The following DLEC1 variants were observed in gnomAD, a reference collection of about 807,000 sequenced individuals.
The protein encoded by DLEC1 is DLEC1 cilia and flagella associated protein.
A neutral mutation model predicts 198.1 loss-of-function variants in DLEC1; 146 were observed. The observed-to-expected ratio is 0.74, with a 90% CI of 0.64 to 0.85. The LOEUF is 0.85. Among genes scored for constraint, DLEC1 ranks in the 40% least tolerant of loss-of-function variants. The pLI is 0.00. For synonymous variants in DLEC1, 897 were observed against 866.8 expected, an observed-to-expected ratio of 1.03 and a Z score of -0.61; for missense variants, 2,233 against 2,220.0, an observed-to-expected ratio of 1.01 and a Z score of -0.12.
At chr3:38,100,775 C>G in intron 19 of DLEC1, among the ~76,000 whole-genome samples, 1 of 152,086 alleles carries the variant, frequency 6.6e-6, no homozygotes, top group Non-Finnish European at 1.5e-5. Flanking sequence ...GAGATGTGTG[C>G]TCATGTTGGA....
At position 38,113,607 on chromosome 3, in the gene DLEC1, C is replaced by T. The variant is rs555155980; in HGVS notation, c.3667-735C>T. 3.9e-5 allele frequency among the ~76,000 whole-genome samples: 6 copies of T among 152,224 alleles called. No homozygotes were observed. In the South Asian group the frequency reaches 1.2e-3, roughly 32 times the overall value. On this transcript the variant is annotated intron_variant, in intron 25 of 36. Coordinates refer to ENST00000308059, the MANE Select transcript of DLEC1 (RefSeq NM_007335.4). Reference sequence around the variant, plus strand: ...TCAGGAGGCTGAGGTGGGAGGATCACTTGTGCCCAGGAGTTAGAGGTTGCA... The same window carrying T: ...TCAGGAGGCTGAGGTGGGAGGATCATTTGTGCCCAGGAGTTAGAGGTTGCA...
In DLEC1 at chr3:38,122,093, C is replaced by T. The variant is rs374237048; in HGVS notation, c.5043C>T (p.Ala1681=). 1.5e-5 allele frequency: 24 copies of T among 1,614,084 alleles called. No homozygotes were observed. Among genetic ancestry groups the T allele is most frequent in the Middle Eastern group, 1.7e-4 (1 of 6,060 alleles). The part of the protein sequence containing the change: ...MLMGQQEPAK[A]AVAFRVSPNS... ...CAGGCCAGCAGGAGCCAGCCAAGGC[C>T]GCTGTGGCCTTCAGGGTCTCCCCAA... Residue 1681 remains alanine, a synonymous_variant, in exon 36 of 37, where the codon GCC becomes GCT. Coordinates refer to ENST00000308059, the MANE Select transcript of DLEC1 (RefSeq NM_007335.4).
Position 38,122,454 on chromosome 3 carries a change from A to G in DLEC1, c.*42A>G. ...TCAGCCCCAGGCCCCAGCTGGAGAA[A>G]AAACATTGCCCAGGGATTAGGAGCA... is the stretch of plus-strand genomic sequence containing the variant. On this transcript the variant is annotated 3_prime_UTR_variant, in exon 37 of 37. Transcript: ENST00000308059. 6.2e-7 allele frequency: 1 copy of G among 1,613,956 alleles called. No individual in the cohort carries two copies.
chr3:38,111,740 G>C lies in DLEC1; in HGVS notation c.3507G>C (p.Glu1169Asp). 6.2e-7 allele frequency: 1 copy of C among 1,611,998 alleles called. No individual in the cohort carries two copies. The highest frequency in any genetic ancestry group is 2.2e-5 in the East Asian group (1 of 44,856). The change falls in exon 24 of 37, where the codon GAG (glutamate) becomes GAC (aspartate). Residue 1169 changes from glutamate to aspartate, a missense_variant. Coordinates refer to ENST00000308059, the MANE Select transcript of DLEC1 (RefSeq NM_007335.4). ...VRMQEHLAKR[E>D]QLDFMESMLS... Reference sequence around the variant, plus strand: ...TGCAAGAGCACCTGGCCAAGCGAGAGCAGCTGGGTAAGCGCCACCAGGGTG... The same window carrying C: ...TGCAAGAGCACCTGGCCAAGCGAGACCAGCTGGGTAAGCGCCACCAGGGTG...
At chr3:38,066,464 C>T (rs1697035874) in intron 6 of DLEC1, among the ~76,000 whole-genome samples, 1 of 152,160 alleles carries the variant, frequency 6.6e-6, no homozygotes, top group Admixed American at 6.5e-5. Context: ...CTTTTTGAAC[C>T]ATAAGCAAAT....
chr3:38,109,713 C>G, intron 22 of DLEC1, 151 bp downstream of exon 22: 1 of 1,312,426 alleles, frequency 7.6e-7, no homozygotes, highest in Non-Finnish European at 1.0e-6. Context: ...CCACTCACCA[C>G]TCCTGTGGGG....
At chr3:38,088,479 C>T (rs1040680190) in intron 10 of DLEC1, 91 bp downstream of exon 10, 1 of 1,220,128 alleles carries the variant, frequency 8.2e-7, no homozygotes, top group Non-Finnish European at 1.2e-6. Context: ...CAGTCCCATC[C>T]CATATCACAG....
intron 19 of DLEC1, among the ~76,000 whole-genome samples, chr3:38,105,826 T>A (rs1371250474): frequency 1.3e-5 from 2 of 152,228 alleles, no homozygotes; most frequent in Non-Finnish European, 2.9e-5. Context: ...CTGTATGTAT[T>A]TTGTGTTTCC....
intron 3 of DLEC1, 47 bp from the exon 4 acceptor site, chr3:38,062,122 C>G (rs761489333): frequency 6.2e-7 from 1 of 1,604,276 alleles, no homozygotes; most frequent in Admixed American, 1.7e-5. Flanking sequence ...GAATGCCCAC[C>G]TCCTCACCTT....
At chr3:38,052,140 GT>G in intron 2 of DLEC1, 2 of 383,116 alleles carry the variant, frequency 5.2e-6, no homozygotes, top group Non-Finnish European at 5.3e-6. Flanking sequence ...GACACTCCAA[GT>G]TTTTTGAAGA....
At chr3:38,121,019 A>G (rs1219782739) in intron 34 of DLEC1, among the ~76,000 whole-genome samples, 1 of 150,014 alleles carries the variant, frequency 6.7e-6, no homozygotes, top group Non-Finnish European at 1.5e-5. Context: ...GGCGAGCACC[A>G]TGGACCAGGT....
intron 19 of DLEC1, 132 bp from the exon 20 acceptor site, chr3:38,107,452 T>G (rs761282570): frequency 3.2e-5 from 30 of 937,666 alleles, no homozygotes; most frequent in African/African-American, 3.4e-5. Flanking sequence ...CCGAACCCAC[T>G]CATTAATTCT....
intron 6 of DLEC1, among the ~76,000 whole-genome samples, chr3:38,064,504 C>T (rs1236056440): frequency 2.6e-5 from 4 of 152,224 alleles, no homozygotes; most frequent in East Asian, 1.9e-4. Flanking sequence ...CATCATGGCC[C>T]GTTCTCCATG....
intron 1 of DLEC1, among the ~76,000 whole-genome samples, chr3:38,044,566 AAAAG>A (rs1700798713): frequency 6.6e-6 from 1 of 152,132 alleles, no homozygotes; most frequent in Non-Finnish European, 1.5e-5. Flanking sequence ...TCTGTCTCAA[AAAAG>A]AAAAAAAAAG....
In DLEC1 at chr3:38,114,338, G is replaced by A; in HGVS notation, c.3667-4G>A. On this transcript the variant is annotated splice_polypyrimidine_tract_variant and splice_region_variant and intron_variant, in intron 25 of 36. Coordinates refer to ENST00000308059, the MANE Select transcript of DLEC1 (RefSeq NM_007335.4). Reference sequence around the variant, plus strand: ...AGTGACAAAGGGCTGGGGTGTGTTTGCAGGTGGGAGACCTGCTGCCGGAAG... The same window carrying A: ...AGTGACAAAGGGCTGGGGTGTGTTTACAGGTGGGAGACCTGCTGCCGGAAG... The A allele has an allele frequency of 1.2e-6, 2 of 1,614,026 alleles. No homozygotes were observed. Among genetic ancestry groups the A allele is most frequent in the Non-Finnish European group, 1.7e-6 (2 of 1,179,918 alleles).
chr3:38,085,663 G>T (rs905957143), intron 8 of DLEC1, among the ~76,000 whole-genome samples: 4 of 152,100 alleles, frequency 2.6e-5, no homozygotes, highest in Non-Finnish European at 5.9e-5. Context: ...CTCAGTGGAG[G>T]TTGACTCACA....
chr3:38,042,638 C>T (rs902951228), intron 1 of DLEC1, among the ~76,000 whole-genome samples: 1 of 147,470 alleles, frequency 6.8e-6, no homozygotes, highest in South Asian at 2.1e-4. Context: ...TCACTGCAAC[C>T]CCTGCCTCCC....
chr3:38,079,302 T>C lies in DLEC1; in HGVS notation c.1174-4856T>C, dbSNP rs370549332. Among the ~76,000 whole-genome samples the C allele has an allele frequency of 4.6e-4, 70 of 152,244 alleles. No individual in the cohort carries two copies. The East Asian group carries it at 9.7e-3, about 21-fold the overall frequency. On this transcript the variant is annotated intron_variant, in intron 6 of 36. Transcript: ENST00000308059. The stretch of plus-strand genomic sequence containing the variant: ...CTAAAAGGAGTGCTTAAAAGAGTAT[T>C]GTCTAAGTTAGCACCAGAGTTGGGG...
intron 6 of DLEC1, among the ~76,000 whole-genome samples, chr3:38,078,783 A>T (rs62240704): frequency 0.34 from 50,977 of 151,920 alleles, 8,902 homozygotes; most frequent in East Asian, 0.55. Flanking sequence ...AATAATGGGT[A>T]GTAGAGGGAG....
Sources: allele counts gnomAD v4.1 joint callset (sites outside exome capture counted in the v4.1 genomes callset), GRCh38; gene constraint gnomAD v4.1.1; transcripts MANE v1.5; gene names NCBI Gene and HGNC (gene_info 2026-07-23, HGNC 2026-07-21).